CCSER1: variants seen among roughly 807,000 people sequenced by gnomAD.
CCSER1 encodes coiled-coil serine rich protein 1.
A neutral mutation model predicts 82.0 loss-of-function variants in CCSER1; 41 were observed. The ratio of observed to expected loss-of-function variants is 0.50; its 90% CI spans 0.39 to 0.65. The LOEUF (loss-of-function observed/expected upper bound fraction) is 0.65. Ranked by LOEUF, CCSER1 falls within the 30% of genes least tolerant of loss-of-function variation. The probability of loss-of-function intolerance (pLI) is 0.00; values close to 1 mark genes in which losing one functional copy is unlikely to be tolerated. For missense variants in CCSER1, 1,119 were observed against 1,064.2 expected (o/e 1.05, Z -0.72); for synonymous variants, 414 against 383.9 (o/e 1.08, Z -0.92).
At chr4:90,192,648 T>A (rs923817847) in intron 1 of CCSER1, among the ~76,000 whole-genome samples, 1 of 152,120 alleles carries the variant, frequency 6.6e-6, no homozygotes, top group African/African-American at 2.4e-5. Flanking sequence ...TAGTGCATCG[T>A]TCCTGGCCCA....
intron 8 of CCSER1, among the ~76,000 whole-genome samples, chr4:90,890,734 C>A (rs1722841644): frequency 6.6e-6 from 1 of 152,170 alleles, no homozygotes; most frequent in South Asian, 2.1e-4. Context: ...GCTGTTAGTT[C>A]TCCTCAGAGT....
intron 10 of CCSER1, among the ~76,000 whole-genome samples, chr4:91,438,145 C>G (rs1301306236): frequency 6.6e-6 from 1 of 152,220 alleles, no homozygotes. Flanking sequence ...TCCCAGCACA[C>G]AGCCGGAGAT....
At chr4:90,903,472 G>A (rs955628849) in intron 8 of CCSER1, among the ~76,000 whole-genome samples, 16 of 151,990 alleles carry the variant, frequency 1.1e-4, no homozygotes, top group African/African-American at 3.9e-4. Flanking sequence ...GTCTTTATCA[G>A]CAGCATGAAA....
intron 10 of CCSER1, among the ~76,000 whole-genome samples, chr4:91,426,932 A>G (rs1384193638): frequency 6.6e-6 from 1 of 152,264 alleles, no homozygotes; most frequent in African/African-American, 2.4e-5. Flanking sequence ...AAAGCTCACT[A>G]TAATCCTATA....
intron 6 of CCSER1, among the ~76,000 whole-genome samples, chr4:90,704,020 T>A (rs530936856): frequency 6.6e-6 from 1 of 152,182 alleles, no homozygotes; most frequent in Non-Finnish European, 1.5e-5. Flanking sequence ...GTCTTTATGA[T>A]GTTAGGTGTT....
At chr4:91,195,478 T>G (rs1336511558) in intron 10 of CCSER1, among the ~76,000 whole-genome samples, 1 of 152,148 alleles carries the variant, frequency 6.6e-6, no homozygotes, top group Non-Finnish European at 1.5e-5. Context: ...AATAGTGTTA[T>G]GACATTACAG....
At chr4:90,981,826 G>C (rs1736140874) in intron 9 of CCSER1, among the ~76,000 whole-genome samples, 1 of 151,802 alleles carries the variant, frequency 6.6e-6, no homozygotes, top group South Asian at 2.1e-4. Flanking sequence ...TCAATGGTGT[G>C]GTTGCTATAA....
At chr4:91,417,065 C>T (rs4389541) in intron 10 of CCSER1, among the ~76,000 whole-genome samples, 3,448 of 152,096 alleles carry the variant, frequency 0.023, 109 homozygotes, top group African/African-American at 0.077. Flanking sequence ...GGACACTTCT[C>T]AAAAGAAGAC....
intron 9 of CCSER1, among the ~76,000 whole-genome samples, chr4:90,957,902 A>G (rs948332991): frequency 2.0e-5 from 3 of 151,786 alleles, no homozygotes; most frequent in Non-Finnish European, 2.9e-5. Flanking sequence ...CTTAAAAATA[A>G]CATCCTAATT....
chr4:91,330,652 T>A (rs997588110), intron 10 of CCSER1, among the ~76,000 whole-genome samples: 2 of 152,158 alleles, frequency 1.3e-5, no homozygotes. Context: ...CAATTTAAAA[T>A]ATCCCTGTTG....
intron 3 of CCSER1, among the ~76,000 whole-genome samples, chr4:90,396,122 T>C (rs1751922697): frequency 6.6e-6 from 1 of 151,972 alleles, no homozygotes; most frequent in African/African-American, 2.4e-5. Flanking sequence ...TCATGGACTT[T>C]CATTATTATT....
chr4:90,252,104 T>C (rs2153441971), intron 1 of CCSER1, among the ~76,000 whole-genome samples: 1 of 152,044 alleles, frequency 6.6e-6, no homozygotes, highest in Non-Finnish European at 1.5e-5. Context: ...CTGAAATGCA[T>C]GGAATTAGAA....
chr4:91,235,690 C>T (rs1045387953), intron 10 of CCSER1, among the ~76,000 whole-genome samples: 2 of 151,820 alleles, frequency 1.3e-5, no homozygotes, highest in South Asian at 2.1e-4. Context: ...GTAGGAGCTA[C>T]GTAAGGTCAA....
intron 9 of CCSER1, among the ~76,000 whole-genome samples, chr4:91,056,589 G>A (rs964634329): frequency 2.0e-5 from 3 of 152,142 alleles, no homozygotes; most frequent in Non-Finnish European, 4.4e-5. Context: ...CAACACTGTT[G>A]TCTTGGGTAT....
chr4:91,396,280 A>AGAT (rs1359227819), intron 10 of CCSER1, among the ~76,000 whole-genome samples: 1 of 152,142 alleles, frequency 6.6e-6, no homozygotes, highest in African/African-American at 2.4e-5. Context: ...GAAAATGGTC[A>AGAT]GATAAGTGGT....
chr4:90,683,539 T>C (rs532309982), intron 6 of CCSER1, among the ~76,000 whole-genome samples: 50 of 152,178 alleles, frequency 3.3e-4, no homozygotes, highest in Non-Finnish European at 6.0e-4. Context: ...AGCTTAATTA[T>C]GAAAAGAACT....
At chr4:90,186,552 G>A (rs1734650401) in intron 1 of CCSER1, among the ~76,000 whole-genome samples, 1 of 151,934 alleles carries the variant, frequency 6.6e-6, no homozygotes, top group Admixed American at 6.6e-5. Flanking sequence ...AGAGAACAAA[G>A]TACTTATCAT....
intron 10 of CCSER1, among the ~76,000 whole-genome samples, chr4:91,579,436 C>T (rs1334712579): frequency 2.0e-5 from 3 of 151,606 alleles, no homozygotes; most frequent in Non-Finnish European, 4.4e-5. Flanking sequence ...AGTTAACTCA[C>T]CATAGGAAAT....
rs575707875 is a variant in CCSER1, at chr4:91,360,694, C to T, written c.2218-237878C>T. ...AACTGATGTAGAAGAAGGTTTATGG[C>T]ACAAGCCTAGGTGAAAAAACAGAGA... On this transcript the variant is annotated intron_variant, in intron 10 of 10. Transcript: ENST00000509176. Among the ~76,000 whole-genome samples, 4 of 151,738 alleles carry T rather than the reference C, an allele frequency of 2.6e-5. No individual in the cohort carries two copies. In the South Asian group the frequency reaches 8.3e-4, roughly 32 times the overall value.
Sources: allele counts gnomAD v4.1 joint callset (sites outside exome capture counted in the v4.1 genomes callset), GRCh38; gene constraint gnomAD v4.1.1; transcripts MANE v1.5; gene names NCBI Gene and HGNC (gene_info 2026-07-23, HGNC 2026-07-21).